CNTN1: variants seen among roughly 807,000 people sequenced by gnomAD.
The protein encoded by CNTN1 is contactin-1.
Under a neutral mutation model 126.4 loss-of-function variants are expected in CNTN1, and 38 were observed. The observed-to-expected ratio is 0.30, with a 90% CI of 0.23 to 0.39. CNTN1 has a LOEUF of 0.39. CNTN1 is among the 10% of genes least tolerant of loss of function. The pLI, the probability that CNTN1 is intolerant of heterozygous loss-of-function variation, is 1.00. For missense variants in CNTN1, 1,009 were observed against 1,248.4 expected (o/e 0.81, Z 2.89); for synonymous variants, 413 against 422.6 (o/e 0.98, Z 0.28).
intron 1 of CNTN1, among the ~76,000 whole-genome samples, chr12:40,740,500 T>G (rs1297088522): frequency 2.6e-5 from 4 of 152,136 alleles, no homozygotes; most frequent in Non-Finnish European, 4.4e-5. Context: ...ATAAAATAGT[T>G]TAATGCCTCT....
intron 1 of CNTN1, among the ~76,000 whole-genome samples, chr12:40,780,313 G>A (rs1294101936): frequency 6.6e-6 from 1 of 151,762 alleles, no homozygotes; most frequent in Admixed American, 6.6e-5. Flanking sequence ...TATCCCAATT[G>A]GGAAAAGGAA....
intron 1 of CNTN1, among the ~76,000 whole-genome samples, chr12:40,834,460 AGGG>A (rs1941972412): frequency 6.6e-6 from 1 of 152,174 alleles, no homozygotes; most frequent in Non-Finnish European, 1.5e-5. Flanking sequence ...AGCAGATGGA[AGGG>A]CAGCAAGGTA....
intron 1 of CNTN1, among the ~76,000 whole-genome samples, chr12:40,822,300 G>A (rs547588436): frequency 1.6e-4 from 25 of 151,532 alleles, no homozygotes; most frequent in African/African-American, 5.8e-4. Flanking sequence ...GATTACAGGT[G>A]CCCGACACCA....
At chr12:40,851,735 C>T (rs963006251) in intron 1 of CNTN1, among the ~76,000 whole-genome samples, 1 of 151,722 alleles carries the variant, frequency 6.6e-6, no homozygotes, top group South Asian at 2.1e-4. Flanking sequence ...GAGCACACCT[C>T]TCAAATCTGC....
chr12:40,857,845 T>C (rs914818698), intron 1 of CNTN1, among the ~76,000 whole-genome samples: 1 of 152,150 alleles, frequency 6.6e-6, no homozygotes, highest in Admixed American at 6.6e-5. Context: ...TCTGTATGAA[T>C]CTGCAAGTTC....
At chr12:41,056,334 G>A (rs1949801116) in intron 23 of CNTN1, among the ~76,000 whole-genome samples, 1 of 152,054 alleles carries the variant, frequency 6.6e-6, no homozygotes, top group African/African-American at 2.4e-5. Flanking sequence ...CTTGTCCAAA[G>A]TCCTACAGCT....
intron 1 of CNTN1, among the ~76,000 whole-genome samples, chr12:40,705,797 G>A (rs1371445786): frequency 6.6e-6 from 1 of 152,148 alleles, no homozygotes; most frequent in Non-Finnish European, 1.5e-5. Flanking sequence ...TGCTTCTGAG[G>A]AGACCTCAGG....
intron 17 of CNTN1, among the ~76,000 whole-genome samples, chr12:40,999,617 T>G (rs1041822963): frequency 9.3e-5 from 14 of 151,108 alleles, no homozygotes; most frequent in African/African-American, 3.2e-4. Flanking sequence ...CATTCAAAGC[T>G]AAATGAGAGA....
At chr12:40,957,551 G>A (rs1946934793) in intron 14 of CNTN1, among the ~76,000 whole-genome samples, 1 of 149,486 alleles carries the variant, frequency 6.7e-6, no homozygotes, top group South Asian at 2.1e-4. Context: ...ATAAAATAGA[G>A]AAAGTGCTGA....
intron 16 of CNTN1, among the ~76,000 whole-genome samples, chr12:40,983,492 TGA>T (rs1491042976): frequency 2.0e-5 from 3 of 151,328 alleles, no homozygotes; most frequent in Non-Finnish European, 4.4e-5. Context: ...TGTGTGTGTG[TGA>T]GTGTATGTGT....
rs576244922 is a variant in CNTN1 at position 40,796,653 on chromosome 12, G to C, written c.-77+104061G>C. ...CTAGAATTAATAATGGTTAACGAAT[G>C]TTCTGTCTTAGGCATCTTGCAAGGT... On this transcript the variant is annotated intron_variant, in intron 1 of 23. Transcript: ENST00000551295. Among the ~76,000 whole-genome samples, 13 of 152,214 alleles carry C rather than the reference G, an allele frequency of 8.5e-5. 1 individual carries two copies. Among genetic ancestry groups the C allele is most frequent in the African/African-American group, 3.1e-4 (13 of 41,566 alleles).
chr12:40,792,601 T>C (rs1026766375), intron 1 of CNTN1, among the ~76,000 whole-genome samples: 4 of 152,056 alleles, frequency 2.6e-5, no homozygotes, highest in South Asian at 4.1e-4. Context: ...TATCTGTGGG[T>C]TAGTGGAAAA....
At chr12:40,805,851 T>G (rs1940834612) in intron 1 of CNTN1, among the ~76,000 whole-genome samples, 1 of 152,056 alleles carries the variant, frequency 6.6e-6, no homozygotes, top group African/African-American at 2.4e-5. Context: ...GATCTGAATT[T>G]TTAGTTTTTT....
intron 17 of CNTN1, among the ~76,000 whole-genome samples, chr12:41,005,600 T>C (rs1948470703): frequency 6.6e-6 from 1 of 152,122 alleles, no homozygotes; most frequent in Non-Finnish European, 1.5e-5. Flanking sequence ...ACATATTTTT[T>C]GAATTTTTTT....
At chr12:41,008,035 T>C (rs1485114998) in intron 17 of CNTN1, among the ~76,000 whole-genome samples, 5 of 152,196 alleles carry the variant, frequency 3.3e-5, no homozygotes, top group Admixed American at 3.3e-4. Context: ...TCTGGAGTGG[T>C]AACCCTAATT....
At chr12:40,737,391 T>C (rs994929011) in intron 1 of CNTN1, among the ~76,000 whole-genome samples, 4 of 87,140 alleles carry the variant, frequency 4.6e-5, no homozygotes, top group Non-Finnish European at 1.0e-4. Context: ...ATGAGTTTAT[T>C]AAGTATTAAT....
intron 15 of CNTN1, among the ~76,000 whole-genome samples, chr12:40,975,156 C>T (rs1290715849): frequency 4.9e-5 from 7 of 142,004 alleles, no homozygotes; most frequent in African/African-American, 1.5e-4. Context: ...TTATAGACTT[C>T]GGTGTCCTTT....
chr12:40,721,011 G>A (rs1592010319), intron 1 of CNTN1, among the ~76,000 whole-genome samples: 1 of 149,050 alleles, frequency 6.7e-6, no homozygotes, highest in Non-Finnish European at 1.5e-5. Flanking sequence ...ATACATATAT[G>A]TAGTCAGATT....
At chr12:40,761,232 T>C (rs1848042642) in intron 1 of CNTN1, among the ~76,000 whole-genome samples, 2 of 152,268 alleles carry the variant, frequency 1.3e-5, no homozygotes, top group South Asian at 2.1e-4. Context: ...TTTTCATCTA[T>C]ACCAATTTTT....
Sources: allele counts gnomAD v4.1 joint callset (sites outside exome capture counted in the v4.1 genomes callset), GRCh38; gene constraint gnomAD v4.1.1; transcripts MANE v1.5; gene names NCBI Gene and HGNC (gene_info 2026-07-23, HGNC 2026-07-21).